LOC400499: variants seen among roughly 807,000 people sequenced by gnomAD.
chr16:11,411,435 G>A, the LOC400499 span: 5 of 397,874 alleles, frequency 1.3e-5, no homozygotes, highest in Admixed American at 4.4e-5. Context: ...GAGTCAGAGA[G>A]CCAGGATCAC....
At chr16:11,397,498 C>T in the LOC400499 span, among the ~76,000 whole-genome samples, 2 of 152,128 alleles carry the variant, frequency 1.3e-5, no homozygotes, top group Non-Finnish European at 2.9e-5. Flanking sequence ...TGGTCTCGAT[C>T]TCCTGACCTC....
At chr16:11,402,380 G>A in the LOC400499 span, 22 of 380,836 alleles carry the variant, frequency 5.8e-5, no homozygotes, top group South Asian at 1.5e-3. Flanking sequence ...TGGGAGCCCC[G>A]TTACAATGAG....
At chr16:11,384,772 G>T in the LOC400499 span, 1 of 927,952 alleles carries the variant, frequency 1.1e-6, no homozygotes, top group Non-Finnish European at 1.4e-6. Context: ...TGCTAGAGAC[G>T]AGGCCGGCAG....
At chr16:11,413,698 T>A in the LOC400499 span, among the ~76,000 whole-genome samples, 1 of 152,196 alleles carries the variant, frequency 6.6e-6, no homozygotes, top group Non-Finnish European at 1.5e-5. Flanking sequence ...ATGACGATAA[T>A]AATCACTGTC....
chr16:11,398,824 T>C, the LOC400499 span, among the ~76,000 whole-genome samples: 1 of 151,462 alleles, frequency 6.6e-6, no homozygotes, highest in Non-Finnish European at 1.5e-5. Context: ...CACGCCCAGT[T>C]TTTTTTTTAA....
chr16:11,490,872 G>T, the LOC400499 span, among the ~76,000 whole-genome samples: 3 of 152,186 alleles, frequency 2.0e-5, no homozygotes, highest in African/African-American at 7.2e-5. Context: ...GGAAAATACT[G>T]GGGGGAAGAG....
the LOC400499 span, chr16:11,372,725 G>C: frequency 4.1e-6 from 4 of 983,386 alleles, no homozygotes; most frequent in Non-Finnish European, 2.4e-6. Context: ...TGCTGGCATA[G>C]ACAAAATCTC....
chr16:11,424,239 A>T, the LOC400499 span: 76 of 399,054 alleles, frequency 1.9e-4, no homozygotes, highest in Non-Finnish European at 2.3e-4. Context: ...CTCCAGGCCA[A>T]TGGCACCGTC....
the LOC400499 span, among the ~76,000 whole-genome samples, chr16:11,427,619 A>G: frequency 8.6e-5 from 13 of 151,744 alleles, 1 homozygote; most frequent in African/African-American, 1.2e-4. Context: ...AATTTTTTTA[A>G]AATTTTTGTA....
chr16:11,401,469 C>T, the LOC400499 span: 696 of 399,324 alleles, frequency 1.7e-3, 6 homozygotes, highest in African/African-American at 0.013. Flanking sequence ...CTTTCCCACC[C>T]GCACAGACCA....
chr16:11,457,110 G>C, the LOC400499 span: 6 of 1,432,610 alleles, frequency 4.2e-6, no homozygotes, highest in Non-Finnish European at 5.5e-6. Context: ...TGCCCGGGAA[G>C]TTGAGGCAGC....
At chr16:11,461,220 G>A in the LOC400499 span, 1 of 1,397,832 alleles carries the variant, frequency 7.2e-7, no homozygotes. Context: ...GAGGGGCCTT[G>A]GGGTTGGGGG....
At chr16:11,493,407 C>T in the LOC400499 span, among the ~76,000 whole-genome samples, 3 of 152,148 alleles carry the variant, frequency 2.0e-5, no homozygotes, top group Non-Finnish European at 4.4e-5. Flanking sequence ...AAACCCTGTA[C>T]TAGAGGGGGC....
At chr16:11,429,833 A>G in the LOC400499 span, among the ~76,000 whole-genome samples, 1 of 152,168 alleles carries the variant, frequency 6.6e-6, no homozygotes, top group African/African-American at 2.4e-5. Flanking sequence ...GGCAATCATC[A>G]TAACAGTAAC....
chr16:11,449,330 G>T, the LOC400499 span, among the ~76,000 whole-genome samples: 3 of 152,140 alleles, frequency 2.0e-5, no homozygotes, highest in African/African-American at 7.2e-5. Flanking sequence ...CCAACCCTGA[G>T]CAGAAATAAT....
At chr16:11,497,848 G>A in the LOC400499 span, among the ~76,000 whole-genome samples, 4 of 152,066 alleles carry the variant, frequency 2.6e-5, no homozygotes, top group South Asian at 8.3e-4. Flanking sequence ...AAAAAAAAAT[G>A]GGAGGAGAAG....
At chr16:11,495,238 C>G in the LOC400499 span, among the ~76,000 whole-genome samples, 1 of 150,464 alleles carries the variant, frequency 6.6e-6, no homozygotes, top group African/African-American at 2.4e-5. Context: ...GAAAACAAAA[C>G]AAAAAAGGCA....
the LOC400499 span, among the ~76,000 whole-genome samples, chr16:11,522,775 G>A: frequency 6.6e-6 from 1 of 152,184 alleles, no homozygotes; most frequent in Non-Finnish European, 1.5e-5. Flanking sequence ...GCAGGGGTTA[G>A]GGTGGGTTGT....
At chr16:11,446,904 C>T in the LOC400499 span, 324,808 of 1,534,050 alleles carry the variant, frequency 0.21, 35,967 homozygotes, top group Non-Finnish European at 0.23. Flanking sequence ...GCAGGTGCAA[C>T]GGGTGCCTGG....
Sources: gnomAD v4.1 joint callset for allele counts (sites outside exome capture counted in the v4.1 genomes callset) on GRCh38, gnomAD v4.1.1 for gene constraint, MANE v1.5 for transcripts.